The following NLK variants were observed in gnomAD, a reference collection of about 807,000 sequenced individuals.
NLK encodes the protein serine/threonine-protein kinase NLK.
In NLK, 11 loss-of-function variants were observed where a neutral mutation model predicts 59.0. The ratio of observed to expected loss-of-function variants is 0.19; its 90% CI spans 0.12 to 0.31. NLK has a LOEUF of 0.31. NLK is among the 10% of genes least tolerant of loss of function. NLK has a pLI of 1.00. For synonymous variants in NLK, 235 were observed against 235.9 expected (o/e 1.00, Z 0.03); for missense variants, 410 against 661.1 (o/e 0.62, Z 4.16).
chr17:28,187,264 C>G (rs572114103), intron 8 of NLK, among the ~76,000 whole-genome samples: 1 of 152,262 alleles, frequency 6.6e-6, no homozygotes, highest in South Asian at 2.1e-4. Flanking sequence ...GTAAGGCATC[C>G]TCTTTCTCTG....
intron 1 of NLK, among the ~76,000 whole-genome samples, chr17:28,067,966 C>A (rs1323788614): frequency 6.6e-6 from 1 of 151,588 alleles, no homozygotes; most frequent in Non-Finnish European, 1.5e-5. Context: ...CATGGTGAAA[C>A]CCCACCTCTA....
chr17:28,140,419 A>G (rs551579063), intron 3 of NLK, among the ~76,000 whole-genome samples: 62 of 152,228 alleles, frequency 4.1e-4, no homozygotes, highest in Non-Finnish European at 7.3e-4. Flanking sequence ...TGATTAAATG[A>G]TAAATTTTGT....
chr17:28,192,089 A>G (rs1204655900), intron 9 of NLK, 31 bp from the exon 10 acceptor site: 8 of 1,386,630 alleles, frequency 5.8e-6, no homozygotes, highest in African/African-American at 2.8e-5. Flanking sequence ...GCAAATTGTC[A>G]TGGATTGTAT....
At chr17:28,161,128 T>G in intron 3 of NLK, 32 bp from the exon 4 acceptor site, 1 of 1,230,632 alleles carries the variant, frequency 8.1e-7, no homozygotes, top group Non-Finnish European at 1.2e-6. Flanking sequence ...GGGACTGAAT[T>G]CGCCGAACTC....
chr17:28,064,662 A>G (rs1909769489), intron 1 of NLK, among the ~76,000 whole-genome samples: 1 of 152,202 alleles, frequency 6.6e-6, no homozygotes, highest in African/African-American at 2.4e-5. Context: ...CCTCCCAAGT[A>G]GCTGGGACTA....
chr17:28,078,547 T>C (rs751265500), intron 1 of NLK, among the ~76,000 whole-genome samples: 2 of 152,148 alleles, frequency 1.3e-5, no homozygotes, highest in Non-Finnish European at 2.9e-5. Flanking sequence ...GTCATTGTTA[T>C]CTCTTTCTGC....
intron 8 of NLK, among the ~76,000 whole-genome samples, chr17:28,187,154 T>G (rs1169230911): frequency 6.6e-6 from 1 of 152,190 alleles, no homozygotes; most frequent in African/African-American, 2.4e-5. Flanking sequence ...AGGATTGAAA[T>G]TTATGTGTTA....
At chr17:28,171,816 G>C (rs1908472947) in intron 6 of NLK, among the ~76,000 whole-genome samples, 1 of 152,086 alleles carries the variant, frequency 6.6e-6, no homozygotes, top group African/African-American at 2.4e-5. Flanking sequence ...TAGATGCTAT[G>C]GTATCAAGAA....
intron 1 of NLK, among the ~76,000 whole-genome samples, chr17:28,108,002 G>A (rs1905269856): frequency 6.6e-6 from 1 of 152,212 alleles, no homozygotes; most frequent in African/African-American, 2.4e-5. Flanking sequence ...GGGAGGCCAA[G>A]GTAGGTGGTT....
chr17:28,063,865 A>G (rs1000068975), intron 1 of NLK, among the ~76,000 whole-genome samples: 1 of 152,212 alleles, frequency 6.6e-6, no homozygotes, highest in African/African-American at 2.4e-5. Flanking sequence ...AAAAACTGCA[A>G]GCCTTGACAA....
At chr17:28,085,603 A>AG (rs1320840714) in intron 1 of NLK, among the ~76,000 whole-genome samples, 1 of 152,050 alleles carries the variant, frequency 6.6e-6, no homozygotes, top group Non-Finnish European at 1.5e-5. Context: ...AGCCAGGCGT[A>AG]GTGGTGCGCA....
intron 7 of NLK, among the ~76,000 whole-genome samples, chr17:28,183,903 A>C (rs769542993): frequency 6.6e-6 from 1 of 152,146 alleles, no homozygotes; most frequent in Non-Finnish European, 1.5e-5. Context: ...GTCTCTAAAC[A>C]TTTTTTGTCA....
chr17:28,132,508 A>G (rs772176332), intron 2 of NLK, 112 bp from the exon 3 acceptor site: 16 of 769,720 alleles, frequency 2.1e-5, no homozygotes, highest in Non-Finnish European at 3.2e-5. Flanking sequence ...TCAGTGGGCA[A>G]TTGTAACTAA....
intron 3 of NLK, among the ~76,000 whole-genome samples, chr17:28,159,438 G>C (rs1302829200): frequency 7.8e-6 from 1 of 128,504 alleles, no homozygotes; most frequent in Non-Finnish European, 1.7e-5. Context: ...TGGTAAGTGT[G>C]TATATGGGTC....
At chr17:28,204,257 C>T in the NLK span, among the ~76,000 whole-genome samples, 1 of 152,214 alleles carries the variant, frequency 6.6e-6, no homozygotes, top group Non-Finnish European at 1.5e-5. Flanking sequence ...GTGGTCTGAG[C>T]CGCTAGTTCT....
the NLK span, among the ~76,000 whole-genome samples, chr17:28,203,088 CCTT>C: frequency 3.3e-5 from 5 of 151,942 alleles, no homozygotes; most frequent in Non-Finnish European, 7.4e-5. Flanking sequence ...TGGGGGTTCT[CCTT>C]CTTGGGACTA....
At chr17:28,125,645 A>G (rs377730137) in intron 2 of NLK, among the ~76,000 whole-genome samples, 1 of 152,140 alleles carries the variant, frequency 6.6e-6, no homozygotes. Context: ...TCTGAGATCT[A>G]TTTCCAAAAG....
chr17:28,171,412 A>G (rs150154957), intron 6 of NLK: 2 of 152,362 alleles, frequency 1.3e-5, no homozygotes, highest in Non-Finnish European at 2.9e-5. Flanking sequence ...AGTTAGAACA[A>G]TTGTGACACT....
chr17:28,152,675 G>GTT (rs1319561439), intron 3 of NLK, among the ~76,000 whole-genome samples: 5 of 151,988 alleles, frequency 3.3e-5, no homozygotes, highest in African/African-American at 1.2e-4. Flanking sequence ...CCAGGTGGGA[G>GTT]TGCGGTGGTG....
Sources: gnomAD v4.1 joint callset for allele counts (sites outside exome capture counted in the v4.1 genomes callset) on GRCh38, gnomAD v4.1.1 for gene constraint, MANE v1.5 for transcripts, NCBI Gene and HGNC (gene_info 2026-07-23, HGNC 2026-07-21) for gene names.